The following OAF variants were observed in gnomAD, a reference collection of about 807,000 sequenced individuals.
The protein encoded by OAF is out at first protein homolog.
Under a neutral mutation model 22.5 loss-of-function variants are expected in OAF, and 13 were observed. That is an observed-to-expected ratio of 0.58 (90% CI 0.38 to 0.92). The LOEUF is 0.92. Among genes scored for constraint, OAF ranks in the 40% least tolerant of loss-of-function variants. The probability of loss-of-function intolerance (pLI) is 0.00; values close to 1 mark genes in which losing one functional copy is unlikely to be tolerated. For synonymous variants in OAF, 175 were observed against 170.5 expected, an observed-to-expected ratio of 1.03 and a Z score of -0.21; for missense variants, 347 against 381.8, an observed-to-expected ratio of 0.91 and a Z score of 0.76.
chr11:120,219,714 A>G (rs1367146234), intron 1 of OAF, among the ~76,000 whole-genome samples: 2 of 152,162 alleles, frequency 1.3e-5, no homozygotes, highest in African/African-American at 2.4e-5. Context: ...AAGCATGAAG[A>G]TCACTGGACT....
At position 120,226,856 on chromosome 11, in the gene OAF, G is replaced by T. The variant is rs1226591355; in HGVS notation, c.407G>T (p.Gly136Val). Residue 136 changes from glycine (G) to valine (V), a missense_variant, in exon 3 of 4, where the codon GGT becomes GTT. Coordinates refer to ENST00000328965, the MANE Select transcript of OAF (RefSeq NM_178507.4). ...RAVRQAEEVR[G>V]LEHLHMDVAV... ...GTGCGGCAGGCGGAGGAGGTTCGGG[G>T]TCTGGAGCATCTGCACATGGATGTC... 3 of 1,609,824 alleles carry T rather than the reference G, an allele frequency of 1.9e-6. No individual in the cohort carries two copies. The highest frequency in any genetic ancestry group is 2.5e-6 in the Non-Finnish European group (3 of 1,176,906).
At chr11:120,223,540 C>T (rs1938308915) in intron 1 of OAF, among the ~76,000 whole-genome samples, 1 of 152,222 alleles carries the variant, frequency 6.6e-6, no homozygotes, top group African/African-American at 2.4e-5. Flanking sequence ...CCTGCACCCC[C>T]TGTCAGTTCC....
chr11:120,212,754 G>A (rs1251187676), intron 1 of OAF, among the ~76,000 whole-genome samples: 2 of 150,094 alleles, frequency 1.3e-5, no homozygotes, highest in African/African-American at 2.5e-5. Flanking sequence ...GGGTGGGGTT[G>A]GGGGGTGAGG....
At position 120,225,697 on chromosome 11, in the gene OAF, C is replaced by T. The variant is rs1198672391; in HGVS notation, c.268C>T (p.Leu90=). The part of the protein sequence containing the change: ...KVFRALILGE[L]EKGQSQFQAL... Reference sequence around the variant, plus strand: ...CTTCCGGGCCCTGATCCTGGGGGAGCTGGAGAAGGGGCAGAGTCAGTTCCA... The same window carrying T: ...CTTCCGGGCCCTGATCCTGGGGGAGTTGGAGAAGGGGCAGAGTCAGTTCCA... Residue 90 remains leucine (L), a synonymous_variant, in exon 2 of 4, where the codon CTG becomes TTG. Coordinates refer to ENST00000328965, the MANE Select transcript of OAF (RefSeq NM_178507.4). The T allele has an allele frequency of 1.2e-6, 2 of 1,603,094 alleles. No individual in the cohort carries two copies. The highest frequency in any genetic ancestry group is 1.7e-6 in the Non-Finnish European group (2 of 1,175,260).
chr11:120,216,640 C>G (rs759537280), intron 1 of OAF, among the ~76,000 whole-genome samples: 2 of 152,156 alleles, frequency 1.3e-5, no homozygotes, highest in Non-Finnish European at 2.9e-5. Flanking sequence ...GGGAGCTTGG[C>G]CAGCATCTCC....
chr11:120,212,034 T>C (rs1293460928), intron 1 of OAF, among the ~76,000 whole-genome samples: 1 of 152,192 alleles, frequency 6.6e-6, no homozygotes, highest in East Asian at 1.9e-4. Flanking sequence ...GGAGAGCTGG[T>C]TGCCCCTGGT....
In OAF at chr11:120,229,364, C is replaced by T. The variant is rs1405097753; in HGVS notation, c.*222C>T. ...CCATTCCCACCCTGTGCCTTCCTTG[C>T]GGGCAGAGAGGGAGAGAAGGGCTCC... On this transcript the variant is annotated 3_prime_UTR_variant, in exon 4 of 4. Coordinates refer to ENST00000328965, the MANE Select transcript of OAF (RefSeq NM_178507.4). 4.2e-5 allele frequency: 23 copies of T among 551,680 alleles called. No homozygotes were observed. The highest frequency in any genetic ancestry group is 6.4e-5 in the South Asian group (3 of 47,072). 34.2% of individuals were successfully genotyped at this position (551,680 alleles called of 1,614,324 possible). A position where few individuals can be genotyped will look rare whatever the true frequency, so the allele number is the denominator to read the frequency against.
intron 3 of OAF, 78 bp downstream of exon 3, chr11:120,227,074 G>T: frequency 1.0e-6 from 1 of 991,466 alleles, no homozygotes; most frequent in Non-Finnish European, 1.5e-6. Flanking sequence ...AGTGGAGGAG[G>T]GCAGGGGCAT....
At chr11:120,226,208 G>C (rs1379382637) in intron 2 of OAF, among the ~76,000 whole-genome samples, 7 of 152,230 alleles carry the variant, frequency 4.6e-5, no homozygotes, top group Non-Finnish European at 7.3e-5. Flanking sequence ...TCACTCATTA[G>C]TTGGGTGACA....
Position 120,211,285 on chromosome 11 carries a change from C to T in OAF, c.6C>T (p.Arg2=). ...GACGGCAGCGGCCCCCGGGGATGCG[C>T]CTTCCCGGGGTACCCCTGGCGCGCC... M[R]LPGVPLARPA... Residue 2 remains arginine, a synonymous_variant, in exon 1 of 4, where the codon CGC becomes CGT. Coordinates refer to ENST00000328965, the MANE Select transcript of OAF (RefSeq NM_178507.4). 3 of 1,247,072 alleles carry T rather than the reference C, an allele frequency of 2.4e-6. No individual in the cohort carries two copies. Among genetic ancestry groups the T allele is most frequent in the Non-Finnish European group, 1.0e-6 (1 of 995,774 alleles). The allele number at this position is 1,247,072 out of a possible 1,614,324, so 77.3% of individuals were successfully genotyped here.
chr11:120,224,738 G>A (rs1045143288), intron 1 of OAF, among the ~76,000 whole-genome samples: 4 of 152,234 alleles, frequency 2.6e-5, no homozygotes, highest in Admixed American at 1.3e-4. Context: ...CTCCACCACA[G>A]GAGGGGCCTT....
At chr11:120,218,422 C>T (rs1169094316) in intron 1 of OAF, among the ~76,000 whole-genome samples, 1 of 152,194 alleles carries the variant, frequency 6.6e-6, no homozygotes, top group African/African-American at 2.4e-5. Context: ...GCTAGGAAGG[C>T]ACTGCTTCCT....
intron 1 of OAF, among the ~76,000 whole-genome samples, chr11:120,211,880 G>C (rs948663336): frequency 1.6e-4 from 24 of 149,154 alleles, no homozygotes; most frequent in Non-Finnish European, 3.1e-4. Flanking sequence ...GGTTCTCCCT[G>C]TGTGATCTAG....
chr11:120,216,365 C>G (rs1305898765), intron 1 of OAF, among the ~76,000 whole-genome samples: 1 of 152,154 alleles, frequency 6.6e-6, no homozygotes, highest in East Asian at 1.9e-4. Flanking sequence ...TGTGTTAGCA[C>G]CCTTAAGATT....
At position 120,225,723 on chromosome 11, in the gene OAF, G is replaced by A; in HGVS notation, c.294G>A (p.Gln98=). 3 of 1,606,036 alleles carry A rather than the reference G, an allele frequency of 1.9e-6. No individual in the cohort carries two copies. Among genetic ancestry groups the A allele is most frequent in the Non-Finnish European group, 8.5e-7 (1 of 1,176,202 alleles). Residue 98 remains glutamine, a synonymous_variant, in exon 2 of 4, where the codon CAG becomes CAA. Transcript: ENST00000328965. ...TGGAGAAGGGGCAGAGTCAGTTCCA[G>A]GCCCTCTGCTTTGTCACCCAGCTGC... ...GELEKGQSQF[Q]ALCFVTQLQH...
chr11:120,216,454 AC>A (rs1425656875), intron 1 of OAF, among the ~76,000 whole-genome samples: 1 of 152,138 alleles, frequency 6.6e-6, no homozygotes, highest in Non-Finnish European at 1.5e-5. Flanking sequence ...AGAGGCCCAG[AC>A]TTTTCTGGAG....
chr11:120,211,987 T>A (rs1480610087), intron 1 of OAF, among the ~76,000 whole-genome samples: 1 of 151,956 alleles, frequency 6.6e-6, no homozygotes, highest in Non-Finnish European at 1.5e-5. Flanking sequence ...CATTTTGGAG[T>A]CCCTCTGTCA....
At chr11:120,223,026 C>G (rs928940213) in intron 1 of OAF, among the ~76,000 whole-genome samples, 3 of 152,190 alleles carry the variant, frequency 2.0e-5, no homozygotes, top group African/African-American at 7.2e-5. Context: ...TTGGTAGTTG[C>G]AGGAACCACG....
intron 3 of OAF, 31 bp from the exon 4 acceptor site, chr11:120,228,835 CCT>C: frequency 1.1e-6 from 1 of 891,736 alleles, no homozygotes; most frequent in Non-Finnish European, 1.7e-6. Flanking sequence ...TCCCTCCCTC[CCT>C]CCCTCCCTGA....
Sources: allele counts gnomAD v4.1 joint callset (sites outside exome capture counted in the v4.1 genomes callset), GRCh38; gene constraint gnomAD v4.1.1; transcripts MANE v1.5; gene names NCBI Gene and HGNC (gene_info 2026-07-23, HGNC 2026-07-21).